NARS2: variants seen among roughly 807,000 people sequenced by gnomAD.
NARS2 encodes the protein asparaginyl-tRNA synthetase.
In NARS2, 60 loss-of-function variants were observed where a neutral mutation model predicts 62.9. The observed-to-expected ratio is 0.95, with a 90% CI of 0.77 to 1.18. The LOEUF (loss-of-function observed/expected upper bound fraction) is 1.18, where lower values mean the gene tolerates loss of function less well. Ranked by LOEUF, NARS2 falls within the 50% of genes most tolerant of loss-of-function variation. The probability of loss-of-function intolerance (pLI) is 0.00; values close to 1 mark genes in which losing one functional copy is unlikely to be tolerated. For synonymous variants in NARS2, 196 were observed against 200.0 expected (o/e 0.98, Z 0.17); for missense variants, 619 against 576.4 (o/e 1.07, Z -0.76).
At chr11:78,450,890 CA>C (rs775893457) in intron 11 of NARS2, among the ~76,000 whole-genome samples, 2 of 143,196 alleles carry the variant, frequency 1.4e-5, no homozygotes, top group Non-Finnish European at 3.0e-5. Context: ...CCATGTTGGG[CA>C]GGCAGGCCTC....
At chr11:78,502,017 A>G (rs1860298356) in intron 6 of NARS2, among the ~76,000 whole-genome samples, 1 of 152,230 alleles carries the variant, frequency 6.6e-6, no homozygotes, top group Non-Finnish European at 1.5e-5. Flanking sequence ...AAATACTGAT[A>G]TATGCTATAA....
Position 78,456,518 on chromosome 11 carries a change from G to C in NARS2, c.1164+9358C>G, listed in dbSNP as rs146752888. ...TGGTGGCTCGAGCTATTTTGATGCAGGTTGGTTAATTAGCCACAGCTCTGG... is the reference window on the plus strand; with the variant it reads ...TGGTGGCTCGAGCTATTTTGATGCACGTTGGTTAATTAGCCACAGCTCTGG... On this transcript the variant is annotated intron_variant, in intron 11 of 13. Coordinates refer to ENST00000281038, the MANE Select transcript of NARS2 (RefSeq NM_024678.6). Among the ~76,000 whole-genome samples the C allele has an allele frequency of 1.9e-3, 294 of 152,278 alleles. 1 individual carries two copies. Among genetic ancestry groups the C allele is most frequent in the African/African-American group, 6.9e-3 (285 of 41,546 alleles).
chr11:78,478,647 C>G lies in NARS2; in HGVS notation c.859G>C (p.Val287Leu), dbSNP rs757972911. ...EELFKATTMM[V>L]LSKCPEDVEL... ...ACATCTTCAGGACATTTTGAGAGAA[C>G]CATCATTGTTGTAGCCTTGAACAGT... The change falls in exon 8 of 14, where the codon GTT becomes CTT. Residue 287 changes from valine to leucine, a missense_variant. Physicochemically the swap from Val to Leu is conservative, Grantham distance 32. Coordinates refer to ENST00000281038, the MANE Select transcript of NARS2 (RefSeq NM_024678.6). 14 of 1,611,910 alleles carry G rather than the reference C, an allele frequency of 8.7e-6. No individual in the cohort carries two copies. Among genetic ancestry groups the G allele is most frequent in the Non-Finnish European group, 1.1e-5 (13 of 1,178,806 alleles).
intron 6 of NARS2, among the ~76,000 whole-genome samples, chr11:78,509,786 C>A (rs1860645848): frequency 7.0e-6 from 1 of 142,510 alleles, no homozygotes; most frequent in Admixed American, 7.3e-5. Flanking sequence ...GGGATCGTGC[C>A]ACTGCACTCC....
intron 6 of NARS2, among the ~76,000 whole-genome samples, chr11:78,512,053 G>C (rs1203285433): frequency 1.3e-5 from 2 of 152,190 alleles, no homozygotes; most frequent in Non-Finnish European, 2.9e-5. Context: ...AAAGAATCTG[G>C]AACATAGTGA....
chr11:78,572,191 A>C (rs1390129080), intron 1 of NARS2, among the ~76,000 whole-genome samples: 2 of 152,296 alleles, frequency 1.3e-5, no homozygotes, highest in East Asian at 1.9e-4. Flanking sequence ...CAAAAAAACA[A>C]AAAAACACAA....
chr11:78,478,767 C>G, intron 7 of NARS2, 84 bp from the exon 8 acceptor site: 1 of 670,378 alleles, frequency 1.5e-6, no homozygotes, highest in Non-Finnish European at 2.4e-6. Flanking sequence ...GACCGCATTC[C>G]AGGCTTTAGC....
intron 4 of NARS2, among the ~76,000 whole-genome samples, chr11:78,564,792 G>A (rs953691650): frequency 6.6e-6 from 1 of 152,160 alleles, no homozygotes; most frequent in African/African-American, 2.4e-5. Flanking sequence ...AACTATAATG[G>A]GATAACATTA....
chr11:78,537,581 G>A (rs1012783059), intron 5 of NARS2, among the ~76,000 whole-genome samples: 58 of 152,180 alleles, frequency 3.8e-4, no homozygotes, highest in Admixed American at 3.5e-3. Flanking sequence ...AGAACTGCTC[G>A]AGTCCAGCAG....
chr11:78,443,471 A>G (rs1271419059), intron 12 of NARS2, among the ~76,000 whole-genome samples, 190 bp downstream of exon 12: 1 of 152,174 alleles, frequency 6.6e-6, no homozygotes, highest in Non-Finnish European at 1.5e-5. Context: ...TTTTCATGTA[A>G]GAGTTCCATT....
intron 4 of NARS2, among the ~76,000 whole-genome samples, chr11:78,560,301 T>C (rs956950453): frequency 2.0e-5 from 3 of 152,084 alleles, no homozygotes; most frequent in African/African-American, 4.8e-5. Flanking sequence ...AGCAAATCCA[T>C]CCATTACCGA....
At chr11:78,464,281 A>C (rs1858520737) in intron 11 of NARS2, among the ~76,000 whole-genome samples, 1 of 152,092 alleles carries the variant, frequency 6.6e-6, no homozygotes, top group Non-Finnish European at 1.5e-5. Context: ...GGCAGTGTGG[A>C]CCCAAAGAGT....
chr11:78,534,074 C>T (rs537636760), intron 5 of NARS2, among the ~76,000 whole-genome samples: 1 of 152,278 alleles, frequency 6.6e-6, no homozygotes, highest in African/African-American at 2.4e-5. Context: ...ATCTTGGTTG[C>T]TTCCAAGTTT....
intron 11 of NARS2, among the ~76,000 whole-genome samples, chr11:78,460,497 A>G (rs1331062415): frequency 6.6e-6 from 1 of 152,184 alleles, no homozygotes; most frequent in Non-Finnish European, 1.5e-5. Flanking sequence ...TTAGGAGGCT[A>G]TTAGTCTAGG....
intron 5 of NARS2, among the ~76,000 whole-genome samples, chr11:78,544,604 C>A (rs1351497827): frequency 2.0e-5 from 3 of 152,026 alleles, no homozygotes; most frequent in Non-Finnish European, 4.4e-5. Flanking sequence ...ACCATCCTGG[C>A]TAACACGGTG....
intron 4 of NARS2, 116 bp downstream of exon 4, chr11:78,566,016 A>C (rs538146303): frequency 2.3e-6 from 2 of 858,366 alleles, no homozygotes; most frequent in African/African-American, 3.4e-5. Flanking sequence ...GAAGAGACCA[A>C]TCAAAACTAA....
At chr11:78,483,795 T>C (rs1349195742) in intron 7 of NARS2, among the ~76,000 whole-genome samples, 2 of 152,026 alleles carry the variant, frequency 1.3e-5, no homozygotes, top group African/African-American at 2.4e-5. Flanking sequence ...AGAATCAATA[T>C]CGTGAAAATG....
intron 7 of NARS2, among the ~76,000 whole-genome samples, chr11:78,486,459 CA>C (rs1187474320): frequency 2.0e-5 from 3 of 152,192 alleles, no homozygotes; most frequent in African/African-American, 2.4e-5. Context: ...CAATGAACTA[CA>C]AATCACTGTG....
intron 5 of NARS2, among the ~76,000 whole-genome samples, chr11:78,540,133 T>C (rs970560927): frequency 8.5e-5 from 13 of 152,280 alleles, no homozygotes; most frequent in African/African-American, 1.9e-4. Context: ...TGCTAGGTTA[T>C]TCTGCCACTG....
Sources: gnomAD v4.1 joint callset for allele counts (sites outside exome capture counted in the v4.1 genomes callset) on GRCh38, gnomAD v4.1.1 for gene constraint, MANE v1.5 for transcripts, NCBI Gene and HGNC (gene_info 2026-07-23, HGNC 2026-07-21) for gene names.